CCDC60: variants seen among roughly 807,000 people sequenced by gnomAD.
CCDC60 encodes coiled-coil domain-containing protein 60.
Under a neutral mutation model 63.5 loss-of-function variants are expected in CCDC60, and 54 were observed. That is an observed-to-expected ratio of 0.85 (90% confidence interval 0.68 to 1.07). The LOEUF is 1.07. Ranked by LOEUF, CCDC60 falls within the 50% of genes least tolerant of loss-of-function variation. CCDC60 has a pLI of 0.00. For synonymous variants in CCDC60, 206 were observed against 238.8 expected (o/e 0.86, Z 1.27); for missense variants, 651 against 684.3 (o/e 0.95, Z 0.54).
chr12:119,460,949 A>G (rs1396431625), intron 2 of CCDC60, among the ~76,000 whole-genome samples: 1 of 152,190 alleles, frequency 6.6e-6, no homozygotes, highest in Non-Finnish European at 1.5e-5. Context: ...TGCAAAACAA[A>G]CAGCCCAGAG....
intron 1 of CCDC60, among the ~76,000 whole-genome samples, chr12:119,418,154 T>A (rs1289610600): frequency 6.6e-6 from 1 of 152,114 alleles, no homozygotes; most frequent in Non-Finnish European, 1.5e-5. Flanking sequence ...TATGTATGTA[T>A]GCATACATGT....
intron 5 of CCDC60, among the ~76,000 whole-genome samples, chr12:119,495,763 G>A (rs889509636): frequency 6.6e-6 from 1 of 152,112 alleles, no homozygotes; most frequent in Non-Finnish European, 1.5e-5. Context: ...GAATACTGCC[G>A]TGAAGAAAAC....
At chr12:119,465,784 G>A (rs528104210) in intron 2 of CCDC60, among the ~76,000 whole-genome samples, 6 of 151,832 alleles carry the variant, frequency 4.0e-5, no homozygotes, top group African/African-American at 9.7e-5. Context: ...ATAAAACAGA[G>A]CTGCATTCTG....
intron 4 of CCDC60, among the ~76,000 whole-genome samples, chr12:119,482,499 C>A (rs558167912): frequency 1.3e-5 from 2 of 152,290 alleles, no homozygotes; most frequent in Admixed American, 6.5e-5. Flanking sequence ...AAAACTACAA[C>A]AATGGATGTG....
At chr12:119,427,301 A>G (rs763490977) in intron 1 of CCDC60, among the ~76,000 whole-genome samples, 17 of 152,200 alleles carry the variant, frequency 1.1e-4, no homozygotes, top group Non-Finnish European at 2.4e-4. Flanking sequence ...TCAAAAACCA[A>G]AATAGAATCA....
At chr12:119,396,180 C>G (rs1273651792) in intron 1 of CCDC60, among the ~76,000 whole-genome samples, 1 of 152,114 alleles carries the variant, frequency 6.6e-6, no homozygotes, top group Non-Finnish European at 1.5e-5. Flanking sequence ...TCAAGTGATT[C>G]CCCCGCCTCA....
chr12:119,378,744 G>C (rs959791008), intron 1 of CCDC60, among the ~76,000 whole-genome samples: 1 of 152,092 alleles, frequency 6.6e-6, no homozygotes, highest in African/African-American at 2.4e-5. Flanking sequence ...TTTTGTTTTT[G>C]TTTTTGCGAA....
chr12:119,432,194 C>G (rs1566005963), intron 2 of CCDC60, among the ~76,000 whole-genome samples: 1 of 152,274 alleles, frequency 6.6e-6, no homozygotes, highest in East Asian at 1.9e-4. Flanking sequence ...AACCTTGGAG[C>G]CCCAGGGACT....
At chr12:119,472,240 A>G in intron 3 of CCDC60, 76 bp downstream of exon 3, 1 of 1,395,112 alleles carries the variant, frequency 7.2e-7, no homozygotes, top group Non-Finnish European at 1.0e-6. Context: ...TGGTAAGGTC[A>G]AGCGAGGGCA....
At chr12:119,535,840 T>C (rs1952987003) in intron 13 of CCDC60, among the ~76,000 whole-genome samples, 2 of 152,196 alleles carry the variant, frequency 1.3e-5, no homozygotes, top group African/African-American at 4.8e-5. Flanking sequence ...TCCAACTATG[T>C]GGTCAGTTTT....
chr12:119,527,306 A>G (rs1467833988), intron 11 of CCDC60, among the ~76,000 whole-genome samples: 1 of 152,144 alleles, frequency 6.6e-6, no homozygotes, highest in Non-Finnish European at 1.5e-5. Context: ...AAAAATAACT[A>G]TTGGGTACAG....
chr12:119,470,157 T>C (rs1163290566), intron 2 of CCDC60, among the ~76,000 whole-genome samples: 1 of 152,218 alleles, frequency 6.6e-6, no homozygotes, highest in African/African-American at 2.4e-5. Context: ...TTCCATCCAC[T>C]GGTATGCCAT....
chr12:119,434,464 C>T (rs949543944), intron 2 of CCDC60, among the ~76,000 whole-genome samples: 2 of 152,012 alleles, frequency 1.3e-5, no homozygotes, highest in South Asian at 4.2e-4. Context: ...TAAGAGATGA[C>T]GACTTGCATT....
intron 4 of CCDC60, among the ~76,000 whole-genome samples, chr12:119,480,644 CCAT>C (rs111841527): frequency 0.041 from 5,880 of 144,950 alleles, 363 homozygotes; most frequent in African/African-American, 0.14. Context: ...ATCATTATCA[CCAT>C]CATCATCACC....
Position 119,487,313 on chromosome 12 carries a change from T to C in CCDC60, c.450-1446T>C, listed in dbSNP as rs1284972291. On this transcript the variant is annotated intron_variant, in intron 4 of 13. Coordinates refer to ENST00000327554, the MANE Select transcript of CCDC60 (RefSeq NM_178499.5). ...TGTTGTGAGCTTTTTTTTTTTTTTT[T>C]CCGAGATGAAGTCTTGCTCTGTCAC... 8.1e-5 allele frequency among the ~76,000 whole-genome samples: 12 copies of C among 148,390 alleles called. No individual in the cohort carries two copies. The East Asian group carries it at 1.8e-3, about 22-fold the overall frequency.
chr12:119,338,652 AG>A (rs1358000195), intron 1 of CCDC60, among the ~76,000 whole-genome samples: 1 of 152,224 alleles, frequency 6.6e-6, no homozygotes, highest in East Asian at 1.9e-4. Flanking sequence ...TACAAAAATA[AG>A]GTGTAAGACA....
chr12:119,480,486 T>C (rs929553022), intron 4 of CCDC60, among the ~76,000 whole-genome samples: 3 of 152,126 alleles, frequency 2.0e-5, no homozygotes, highest in Non-Finnish European at 4.4e-5. Context: ...AATCATAGGA[T>C]AAGATGGCAA....
chr12:119,408,458 A>C (rs2136192041), intron 1 of CCDC60, among the ~76,000 whole-genome samples: 1 of 152,306 alleles, frequency 6.6e-6, no homozygotes, highest in Non-Finnish European at 1.5e-5. Flanking sequence ...GGCTGGTATC[A>C]GGTGCTTTCT....
At chr12:119,423,005 A>G (rs1384261575) in intron 1 of CCDC60, among the ~76,000 whole-genome samples, 1 of 152,200 alleles carries the variant, frequency 6.6e-6, no homozygotes, top group Non-Finnish European at 1.5e-5. Flanking sequence ...TATTACAAAT[A>G]TGTTACCGGG....
Sources: allele counts gnomAD v4.1 joint callset (sites outside exome capture counted in the v4.1 genomes callset), GRCh38; gene constraint gnomAD v4.1.1; transcripts MANE v1.5; gene names NCBI Gene and HGNC (gene_info 2026-07-23, HGNC 2026-07-21).